INPP5A: variants seen among roughly 807,000 people sequenced by gnomAD.
INPP5A encodes the protein inositol polyphosphate-5-phosphatase A, also known as 43 kDa inositol polyphosphate 5-phophatase.
In INPP5A, 14 loss-of-function variants were observed where a neutral mutation model predicts 65.2. That is an observed-to-expected ratio of 0.21 (90% CI 0.14 to 0.34). The LOEUF (loss-of-function observed/expected upper bound fraction) is 0.34, where lower values mean the gene tolerates loss of function less well. Ranked by LOEUF, INPP5A falls within the 10% of genes least tolerant of loss-of-function variation. The pLI is 1.00. For synonymous variants in INPP5A, 207 were observed against 208.3 expected (o/e 0.99, Z 0.05); for missense variants, 431 against 545.6 (o/e 0.79, Z 2.09).
chr10:132,722,660 G>A (rs949909894), intron 8 of INPP5A, among the ~76,000 whole-genome samples: 6 of 152,204 alleles, frequency 3.9e-5, no homozygotes, highest in Non-Finnish European at 8.8e-5. Context: ...ACACGCTGAC[G>A]AGCCCCCCAG....
At chr10:132,749,327 C>G (rs1183947964) in intron 9 of INPP5A, among the ~76,000 whole-genome samples, 190 bp from the exon 10 acceptor site, 2 of 149,586 alleles carry the variant, frequency 1.3e-5, no homozygotes, top group East Asian at 3.9e-4. Context: ...CAGCCAGCCT[C>G]AGGCCCTTCG....
rs1389451002 is a variant in INPP5A, at chr10:132,555,506, C to A, written c.75+17335C>A. Among the ~76,000 whole-genome samples, 1 of 152,046 alleles carries A rather than the reference C, an allele frequency of 6.6e-6. No individual in the cohort carries two copies. The highest frequency in any genetic ancestry group is 1.5e-5 in the Non-Finnish European group (1 of 68,012). On this transcript the variant is annotated intron_variant, in intron 1 of 15. Transcript: ENST00000368594. The surrounding 1 kb of genome is among the most constrained non-coding windows in gnomAD (Gnocchi z 4.4). ...TGAAGTGACTCAGGGGACCTGGCGCCGTTGGTGTGTGCTCACAAAGTGCAC... is the reference window on the plus strand; with the variant it reads ...TGAAGTGACTCAGGGGACCTGGCGCAGTTGGTGTGTGCTCACAAAGTGCAC...
chr10:132,775,128 G>A (rs867511615), intron 12 of INPP5A, among the ~76,000 whole-genome samples: 3 of 60,498 alleles, frequency 5.0e-5, no homozygotes, highest in Non-Finnish European at 7.1e-5. Context: ...CAGGGAGGAG[G>A]GGCAGGGAGG....
chr10:132,762,636 G>C lies in INPP5A; in HGVS notation c.904-3137G>C, dbSNP rs1040624688. ...GCAGGGTGGGATGAAGAAGGAAGAA[G>C]AACATTTGTGTAAAGCTTAAAAACA... is the stretch of plus-strand genomic sequence containing the variant. On this transcript the variant is annotated intron_variant, in intron 11 of 15. Transcript: ENST00000368594. The surrounding 1 kb of genome is among the most constrained non-coding windows in gnomAD (Gnocchi z 4.6). 6.6e-5 allele frequency among the ~76,000 whole-genome samples: 10 copies of C among 152,274 alleles called. No homozygotes were observed. The East Asian group carries it at 1.7e-3, about 26-fold the overall frequency.
chr10:132,586,889 G>A (rs529208458), intron 1 of INPP5A, among the ~76,000 whole-genome samples: 128 of 152,328 alleles, frequency 8.4e-4, no homozygotes, highest in Non-Finnish European at 1.7e-3. Context: ...GCGCGGCGAG[G>A]CTGTGGTTCT....
intron 2 of INPP5A, among the ~76,000 whole-genome samples, chr10:132,641,532 G>A (rs911854475): frequency 3.3e-5 from 5 of 152,178 alleles, no homozygotes; most frequent in South Asian, 2.1e-4. Context: ...AGACGACCCC[G>A]TGCCAGAGGG....
intron 11 of INPP5A, among the ~76,000 whole-genome samples, chr10:132,758,031 G>A (rs748305650): frequency 2.8e-5 from 4 of 143,432 alleles, no homozygotes; most frequent in Non-Finnish European, 6.1e-5. Context: ...GTGCCGTGGT[G>A]TGGGTCCCTG....
At chr10:132,764,420 G>T (rs955625156) in intron 11 of INPP5A, among the ~76,000 whole-genome samples, 1 of 150,770 alleles carries the variant, frequency 6.6e-6, no homozygotes, top group Admixed American at 6.6e-5. Context: ...GAACACGGTC[G>T]GGTCAGTCCT....
intron 12 of INPP5A, among the ~76,000 whole-genome samples, chr10:132,768,497 G>A (rs576664103): frequency 6.6e-6 from 1 of 152,360 alleles, no homozygotes; most frequent in South Asian, 2.1e-4. Context: ...CCGCTTTCCC[G>A]CTGCGTCTGC....
At chr10:132,709,890 C>T (rs1282599200) in intron 7 of INPP5A, among the ~76,000 whole-genome samples, 2 of 152,180 alleles carry the variant, frequency 1.3e-5, no homozygotes, top group African/African-American at 2.4e-5. Flanking sequence ...CACGGGGCTT[C>T]CCAAGGGTCT....
chr10:132,718,204 C>G (rs1436576347), intron 8 of INPP5A, among the ~76,000 whole-genome samples: 17 of 128,538 alleles, frequency 1.3e-4, no homozygotes, highest in African/African-American at 2.1e-4. Flanking sequence ...CGGCTGTCTT[C>G]AGGGTTCTGT....
At chr10:132,612,974 G>A (rs1397588463) in intron 2 of INPP5A, among the ~76,000 whole-genome samples, 2 of 152,116 alleles carry the variant, frequency 1.3e-5, no homozygotes, top group South Asian at 2.1e-4. Context: ...TTCAGTGTGG[G>A]ACCGTCTGCA....
Position 132,659,864 on chromosome 10 carries a change from G to C in INPP5A, c.306+9359G>C, listed in dbSNP as rs111679347. Among the ~76,000 whole-genome samples, 1,238 of 152,372 alleles carry C rather than the reference G, an allele frequency of 8.1e-3. 5 individuals carry two copies. Among genetic ancestry groups the C allele is most frequent in the Non-Finnish European group, 0.013 (856 of 68,036 alleles). On this transcript the variant is annotated intron_variant, in intron 4 of 15. Transcript: ENST00000368594. The surrounding 1 kb of genome is among the most constrained non-coding windows in gnomAD (Gnocchi z 5.5). ...AGCCAGATGCCCACAACAGGATCCA[G>C]TGCTGTCAGCTGGGCTCCAGAAACC...
Position 132,696,397 on chromosome 10 carries a change from C to T in INPP5A, c.371-1419C>T, listed in dbSNP as rs761300422. On this transcript the variant is annotated intron_variant, in intron 5 of 15. Coordinates refer to ENST00000368594, the MANE Select transcript of INPP5A (RefSeq NM_005539.5). ...AGAAGAAGAGCAGAGTCAGAGCCTG[C>T]ACTTCCTGACTTCAAGACTTGCTGT... Among the ~76,000 whole-genome samples the T allele has an allele frequency of 7.0e-4, 106 of 152,202 alleles. 2 individuals are homozygous for T. Among genetic ancestry groups the T allele is most frequent in the Non-Finnish European group, 2.1e-4 (14 of 68,042 alleles).
chr10:132,748,291 C>G (rs567199000), intron 9 of INPP5A, among the ~76,000 whole-genome samples: 1 of 152,324 alleles, frequency 6.6e-6, no homozygotes, highest in South Asian at 2.1e-4. Context: ...TGTAAGGCAG[C>G]AGCTGTGCCC....
At position 132,762,365 on chromosome 10, in the gene INPP5A, A is replaced by C. The variant is rs936406751; in HGVS notation, c.904-3408A>C. Among the ~76,000 whole-genome samples, 4 of 152,252 alleles carry C rather than the reference A, an allele frequency of 2.6e-5. No homozygotes were observed. On this transcript the variant is annotated intron_variant, in intron 11 of 15. Transcript: ENST00000368594. The surrounding 1 kb of genome is among the most constrained non-coding windows in gnomAD (Gnocchi z 4.6). ...ATATTTTTGAAGCATTGTGGGAAAAATGTCCTATTACATAAGAATGCAAGT... is the reference window on the plus strand; with the variant it reads ...ATATTTTTGAAGCATTGTGGGAAAACTGTCCTATTACATAAGAATGCAAGT...
rs1037590051 is a variant in INPP5A, at chr10:132,545,863, AG to A, written c.75+7694del. Among the ~76,000 whole-genome samples the A allele has an allele frequency of 3.7e-4, 56 of 152,208 alleles. 1 individual carries two copies. The highest frequency in any genetic ancestry group is 6.9e-4 in the Non-Finnish European group (47 of 68,038). The stretch of plus-strand genomic sequence containing the variant: ...GAGCGCTGGCTCCAGGCCGGCTTTC[AG>A]GAAGGCCGACTGCCTCAATCGTGGT... On this transcript the variant is annotated intron_variant, in intron 1 of 15. Transcript: ENST00000368594. The surrounding 1 kb of genome is among the most constrained non-coding windows in gnomAD (Gnocchi z 4.6).
intron 11 of INPP5A, among the ~76,000 whole-genome samples, chr10:132,751,879 G>A (rs1251089395): frequency 8.8e-6 from 1 of 113,066 alleles, no homozygotes; most frequent in Non-Finnish European, 2.2e-5. Context: ...ATGGAGGCGG[G>A]TGCCTAGGAG....
intron 4 of INPP5A, among the ~76,000 whole-genome samples, chr10:132,677,493 GC>G (rs1792405925): frequency 3.9e-5 from 6 of 152,200 alleles, no homozygotes; most frequent in Admixed American, 3.9e-4. Flanking sequence ...CAATGACTTT[GC>G]CCCCGCAGTG....
Sources: gnomAD v4.1 joint callset for allele counts (sites outside exome capture counted in the v4.1 genomes callset) on GRCh38, gnomAD v4.1.1 for gene constraint, Gnocchi (gnomAD v3.1) non-coding constraint, MANE v1.5 for transcripts, NCBI Gene and HGNC (gene_info 2026-07-23, HGNC 2026-07-21) for gene names.